Variants in GRM5 observed in about 807,000 individuals in gnomAD.
GRM5 encodes metabotropic glutamate receptor 5.
GRM5 carries 19 observed loss-of-function variants against 83.1 expected under a neutral mutation model. That is an observed-to-expected ratio of 0.23 (90% CI 0.16 to 0.34). GRM5 has a LOEUF of 0.34. Among genes scored for constraint, GRM5 ranks in the 10% least tolerant of loss-of-function variants. GRM5 has a pLI of 1.00. For synonymous variants in GRM5, 675 were observed against 633.6 expected, an observed-to-expected ratio of 1.07 and a Z score of -0.98; for missense variants, 1,160 against 1,588.3, an observed-to-expected ratio of 0.73 and a Z score of 4.58.
At chr11:88,774,884 A>T (rs1279631696) in intron 3 of GRM5, among the ~76,000 whole-genome samples, 1 of 152,170 alleles carries the variant, frequency 6.6e-6, no homozygotes, top group African/African-American at 2.4e-5. Flanking sequence ...GATGTTCATC[A>T]GGGATATTGG....
At chr11:88,725,011 T>C (rs910040872) in intron 3 of GRM5, among the ~76,000 whole-genome samples, 2 of 152,124 alleles carry the variant, frequency 1.3e-5, no homozygotes, top group Non-Finnish European at 2.9e-5. Flanking sequence ...GCAGTTTTTA[T>C]TCATACTCCA....
At chr11:88,605,021 C>T (rs541757222) in intron 4 of GRM5, 57 bp from the exon 5 acceptor site, 2 of 1,429,170 alleles carry the variant, frequency 1.4e-6, no homozygotes, top group Admixed American at 3.4e-5. Flanking sequence ...TCGCGACATT[C>T]CTGGGTACTG....
At chr11:88,999,486 A>G (rs1431200158) in intron 2 of GRM5, among the ~76,000 whole-genome samples, 1 of 152,206 alleles carries the variant, frequency 6.6e-6, no homozygotes, top group East Asian at 1.9e-4. Flanking sequence ...CACATGAAAA[A>G]TTTCTCATCA....
intron 3 of GRM5, among the ~76,000 whole-genome samples, chr11:88,688,304 T>G (rs946649872): frequency 6.6e-5 from 10 of 152,220 alleles, no homozygotes; most frequent in Non-Finnish European, 1.5e-5. Flanking sequence ...TCTTTCAATT[T>G]TCCTTAATTG....
At chr11:88,905,331 T>C (rs1376868396) in intron 2 of GRM5, among the ~76,000 whole-genome samples, 1 of 152,186 alleles carries the variant, frequency 6.6e-6, no homozygotes, top group Non-Finnish European at 1.5e-5. Flanking sequence ...ATTTATTCAT[T>C]AATTCATTCA....
At chr11:88,583,555 G>C (rs371686374) in intron 7 of GRM5, among the ~76,000 whole-genome samples, 14 of 152,292 alleles carry the variant, frequency 9.2e-5, no homozygotes, top group Middle Eastern at 6.8e-3. Context: ...TGAAAGACAG[G>C]CTATTTTTGC....
intron 2 of GRM5, among the ~76,000 whole-genome samples, chr11:88,910,004 C>T (rs1460270270): frequency 6.6e-6 from 1 of 152,088 alleles, no homozygotes; most frequent in African/African-American, 2.4e-5. Flanking sequence ...TGCTAAGTAA[C>T]TATCAGCACT....
At chr11:89,033,578 G>T (rs1591064781) in intron 2 of GRM5, among the ~76,000 whole-genome samples, 1 of 151,578 alleles carries the variant, frequency 6.6e-6, no homozygotes, top group South Asian at 2.1e-4. Context: ...CCAGCTAATG[G>T]CTCAAGTGTT....
chr11:88,633,305 A>G (rs1281983417), intron 4 of GRM5, among the ~76,000 whole-genome samples: 3 of 152,170 alleles, frequency 2.0e-5, no homozygotes, highest in Non-Finnish European at 4.4e-5. Context: ...AATTCTTCCA[A>G]TCTGTGCCTT....
intron 3 of GRM5, among the ~76,000 whole-genome samples, chr11:88,767,079 A>T (rs1290855098): frequency 1.3e-5 from 2 of 151,890 alleles, no homozygotes; most frequent in Non-Finnish European, 2.9e-5. Flanking sequence ...TCATAATCAC[A>T]GTTCACTTCA....
In GRM5 at chr11:89,020,109, C is replaced by T. The variant is rs545543746; in HGVS notation, c.661+27103G>A. ...TTGTTAATTCTCACTATTCCAGGGG[C>T]TGAATATACCTTATCTAATTTAATT... On this transcript the variant is annotated intron_variant, in intron 2 of 9. Coordinates refer to ENST00000305447, the MANE Select transcript of GRM5 (RefSeq NM_001143831.3). Among the ~76,000 whole-genome samples, 4 of 152,254 alleles carry T rather than the reference C, an allele frequency of 2.6e-5. No individual in the cohort carries two copies. The East Asian group carries it at 7.7e-4, about 29-fold the overall frequency.
chr11:88,934,402 T>G (rs1368455063), intron 2 of GRM5, among the ~76,000 whole-genome samples: 3 of 151,906 alleles, frequency 2.0e-5, no homozygotes, highest in African/African-American at 7.2e-5. Context: ...ATGTTATTTT[T>G]CAGGAAAATA....
At chr11:89,006,588 T>C (rs994721480) in intron 2 of GRM5, among the ~76,000 whole-genome samples, 15 of 152,200 alleles carry the variant, frequency 9.9e-5, no homozygotes, top group African/African-American at 3.6e-4. Flanking sequence ...CATTCATGAT[T>C]TGTCCCCTGA....
intron 8 of GRM5, among the ~76,000 whole-genome samples, chr11:88,564,140 A>G: frequency 6.6e-6 from 1 of 152,172 alleles, no homozygotes; most frequent in Non-Finnish European, 1.5e-5. Flanking sequence ...AAATCTCCAT[A>G]TAATCAGACT....
chr11:88,626,630 T>TA (rs1938804607), intron 4 of GRM5, among the ~76,000 whole-genome samples: 1 of 152,208 alleles, frequency 6.6e-6, no homozygotes, highest in Non-Finnish European at 1.5e-5. Context: ...GACTGTGTGT[T>TA]ATGGACTAAA....
rs373541462 is a variant in GRM5, at chr11:88,833,575, GA to G, written c.911+16330del. 6.2e-4 allele frequency among the ~76,000 whole-genome samples: 95 copies of G among 152,112 alleles called. No individual in the cohort carries two copies. In the East Asian group the frequency reaches 0.016, roughly 25 times the overall value. On this transcript the variant is annotated intron_variant, in intron 3 of 9. Coordinates refer to ENST00000305447, the MANE Select transcript of GRM5 (RefSeq NM_001143831.3). ...AACAGTATAAAGGTTTCTCAAAAAAGAAAAAATAAAACTATCGTATGATCAG... is the reference window on the plus strand; with the variant it reads ...AACAGTATAAAGGTTTCTCAAAAAAGAAAAATAAAACTATCGTATGATCAG...
chr11:88,998,659 G>A (rs1198380349), intron 2 of GRM5, among the ~76,000 whole-genome samples: 1 of 152,124 alleles, frequency 6.6e-6, no homozygotes, highest in Non-Finnish European at 1.5e-5. Flanking sequence ...ATTAGGAGAT[G>A]GCATGGCAGT....
intron 3 of GRM5, among the ~76,000 whole-genome samples, chr11:88,718,460 A>G (rs1256041962): frequency 1.3e-5 from 2 of 151,994 alleles, no homozygotes; most frequent in African/African-American, 4.8e-5. Flanking sequence ...TATAACATTC[A>G]CATTTACTCT....
chr11:88,842,105 T>G (rs1944214045), intron 3 of GRM5, among the ~76,000 whole-genome samples: 1 of 152,170 alleles, frequency 6.6e-6, no homozygotes, highest in South Asian at 2.1e-4. Flanking sequence ...TTTGATAAAT[T>G]TTAACTTCTT....
Sources: allele counts gnomAD v4.1 joint callset (sites outside exome capture counted in the v4.1 genomes callset), GRCh38; gene constraint gnomAD v4.1.1; transcripts MANE v1.5; gene names NCBI Gene and HGNC (gene_info 2026-07-23, HGNC 2026-07-21).